Variants in PLCH1 observed in about 807,000 individuals in gnomAD.
PLCH1 encodes the protein 1-phosphatidylinositol 4,5-bisphosphate phosphodiesterase eta-1.
In PLCH1, 60 loss-of-function variants were observed where a neutral mutation model predicts 126.7. The ratio of observed to expected loss-of-function variants is 0.47; its 90% CI spans 0.38 to 0.59. The LOEUF (loss-of-function observed/expected upper bound fraction) is 0.59. Among genes scored for constraint, PLCH1 ranks in the 20% least tolerant of loss-of-function variants. The pLI, the probability that PLCH1 is intolerant of heterozygous loss-of-function variation, is 0.00. For synonymous variants in PLCH1, 719 were observed against 734.9 expected (o/e 0.98, Z 0.35); for missense variants, 1,723 against 2,040.0 (o/e 0.84, Z 2.99).
intron 10 of PLCH1, among the ~76,000 whole-genome samples, chr3:155,536,399 GA>G (rs1336924205): frequency 6.6e-6 from 1 of 152,052 alleles, no homozygotes; most frequent in African/African-American, 2.4e-5. Flanking sequence ...GAGACAGGTG[GA>G]AAACAATTTA....
intron 2 of PLCH1, among the ~76,000 whole-genome samples, chr3:155,680,082 A>C (rs1744390014): frequency 6.6e-6 from 1 of 152,172 alleles, no homozygotes; most frequent in Admixed American, 6.5e-5. Flanking sequence ...TTAAAAAATA[A>C]ATAAATAAAT....
intron 2 of PLCH1, among the ~76,000 whole-genome samples, chr3:155,671,220 C>A (rs1268412174): frequency 6.6e-6 from 1 of 152,100 alleles, no homozygotes; most frequent in African/African-American, 2.4e-5. Context: ...AGATTCCTTG[C>A]CTCTAAAATG....
At chr3:155,484,489 C>G (rs1475194784) in intron 22 of PLCH1, among the ~76,000 whole-genome samples, 1 of 152,082 alleles carries the variant, frequency 6.6e-6, no homozygotes, top group Non-Finnish European at 1.5e-5. Context: ...GAAATTAGAC[C>G]ATTTGATAAA....
In PLCH1 at chr3:155,480,805, T is replaced by C; in HGVS notation, c.*163A>G. 3 of 625,246 alleles carry C rather than the reference T, an allele frequency of 4.8e-6. No homozygotes were observed. The highest frequency in any genetic ancestry group is 8.4e-6 in the Non-Finnish European group (3 of 358,394). The allele number at this position is 625,246 out of a possible 1,614,324, so 38.7% of individuals were successfully genotyped here. On this transcript the variant is annotated 3_prime_UTR_variant, in exon 23 of 23. Coordinates refer to ENST00000460012, the MANE Select transcript of PLCH1 (RefSeq NM_014996.4). The stretch of plus-strand genomic sequence containing the variant: ...CATGGGAAATGTCACCAAATCTATA[T>C]ACAAACGCATTAACAGGGAGAACAC...
chr3:155,508,852 A>G (rs202217719), intron 12 of PLCH1, among the ~76,000 whole-genome samples: 963 of 57,448 alleles, frequency 0.017, 46 homozygotes, highest in East Asian at 0.15. Context: ...TTGGTATCAG[A>G]ATGATGCTGG....
At chr3:155,548,232 G>C (rs1462134585) in intron 10 of PLCH1, among the ~76,000 whole-genome samples, 1 of 152,156 alleles carries the variant, frequency 6.6e-6, no homozygotes, top group Non-Finnish European at 1.5e-5. Flanking sequence ...AGATTGCTCT[G>C]ATAGTAAAGG....
At chr3:155,590,319 C>T (rs1309273431) in intron 4 of PLCH1, among the ~76,000 whole-genome samples, 2 of 152,180 alleles carry the variant, frequency 1.3e-5, no homozygotes, top group Non-Finnish European at 2.9e-5. Context: ...TGGCTCACGC[C>T]TGTAATCCCA....
chr3:155,597,494 A>G (rs1176350243), intron 2 of PLCH1, among the ~76,000 whole-genome samples: 1 of 152,214 alleles, frequency 6.6e-6, no homozygotes, highest in Non-Finnish European at 1.5e-5. Context: ...TAATATACAG[A>G]CTTATGTATA....
intron 6 of PLCH1, among the ~76,000 whole-genome samples, chr3:155,582,686 A>T (rs1730872382): frequency 6.6e-6 from 1 of 152,192 alleles, no homozygotes; most frequent in African/African-American, 2.4e-5. Context: ...TGGTCCATTA[A>T]GAGAATTAAA....
intron 10 of PLCH1, among the ~76,000 whole-genome samples, chr3:155,544,038 T>C (rs199509882): frequency 4.1e-4 from 20 of 49,182 alleles, no homozygotes; most frequent in Admixed American, 6.3e-4. Context: ...CACATAACAA[T>C]ATTAACTTTA....
chr3:155,675,848 G>C (rs537597173), intron 2 of PLCH1: 86 of 488,394 alleles, frequency 1.8e-4, no homozygotes, highest in African/African-American at 1.6e-3. Flanking sequence ...AAAATACTTT[G>C]TTACCTCATT....
chr3:155,571,407 T>A (rs1243358497), intron 6 of PLCH1, among the ~76,000 whole-genome samples: 1 of 152,168 alleles, frequency 6.6e-6, no homozygotes, highest in Non-Finnish European at 1.5e-5. Context: ...TCTTTTGAAA[T>A]CGGTCTTTAT....
intron 10 of PLCH1, among the ~76,000 whole-genome samples, chr3:155,536,960 G>T (rs1723434508): frequency 1.3e-5 from 2 of 152,036 alleles, no homozygotes; most frequent in African/African-American, 4.8e-5. Flanking sequence ...AAACCTATAA[G>T]ATTAAAAGCA....
At chr3:155,461,213 TC>T (rs1342010967) in intron 21 of PLCH1, among the ~76,000 whole-genome samples, 1 of 152,186 alleles carries the variant, frequency 6.6e-6, no homozygotes, top group Non-Finnish European at 1.5e-5. Context: ...AGAGAATAGA[TC>T]AATCAACTTG....
At chr3:155,685,308 GAGA>G (rs1744853440) in intron 2 of PLCH1, among the ~76,000 whole-genome samples, 1 of 152,212 alleles carries the variant, frequency 6.6e-6, no homozygotes. Flanking sequence ...ACAAATCAGG[GAGA>G]AGATTAAGGT....
intron 21 of PLCH1, among the ~76,000 whole-genome samples, chr3:155,459,062 T>G (rs1210895939): frequency 6.6e-6 from 1 of 152,212 alleles, no homozygotes; most frequent in Non-Finnish European, 1.5e-5. Context: ...ACATTAGAAT[T>G]ACTAAAGCTC....
chr3:155,505,027 G>T (rs1328842157), intron 12 of PLCH1, among the ~76,000 whole-genome samples: 1 of 152,148 alleles, frequency 6.6e-6, no homozygotes, highest in African/African-American at 2.4e-5. Flanking sequence ...TTCAGTTTTG[G>T]AAAATGACCA....
chr3:155,634,859 TG>T (rs1411782320), intron 2 of PLCH1, among the ~76,000 whole-genome samples: 6 of 152,204 alleles, frequency 3.9e-5, no homozygotes, highest in Middle Eastern at 3.2e-3. Context: ...GATACCTGGG[TG>T]ATTCCTATAC....
chr3:155,550,521 A>G (rs976808011), intron 9 of PLCH1, among the ~76,000 whole-genome samples: 2 of 152,196 alleles, frequency 1.3e-5, no homozygotes, highest in African/African-American at 4.8e-5. Flanking sequence ...TCTTTGTCAA[A>G]AAATAAAAAT....
Sources: allele counts gnomAD v4.1 joint callset (sites outside exome capture counted in the v4.1 genomes callset), GRCh38; gene constraint gnomAD v4.1.1; transcripts MANE v1.5; gene names NCBI Gene and HGNC (gene_info 2026-07-23, HGNC 2026-07-21).